The following GALNT10 variants were observed in gnomAD, a reference collection of about 807,000 sequenced individuals.
GALNT10 encodes the protein polypeptide N-acetylgalactosaminyltransferase 10.
GALNT10 carries 41 observed loss-of-function variants against 75.0 expected under a neutral mutation model. That is an observed-to-expected ratio of 0.55 (90% CI 0.43 to 0.71). The LOEUF (loss-of-function observed/expected upper bound fraction) is 0.71, where lower values mean the gene tolerates loss of function less well. GALNT10 is among the 30% of genes least tolerant of loss of function. GALNT10 has a pLI of 0.00. For synonymous variants in GALNT10, 302 were observed against 313.0 expected (o/e 0.96, Z 0.37); for missense variants, 727 against 818.5 (o/e 0.89, Z 1.36).
rs1314810267 is a variant in GALNT10 at position 154,344,316 on chromosome 5, A to G, written c.568+14578A>G. 7.4e-5 allele frequency among the ~76,000 whole-genome samples: 11 copies of G among 149,520 alleles called. No individual in the cohort carries two copies. The East Asian group carries it at 2.2e-3, about 30-fold the overall frequency. On this transcript the variant is annotated intron_variant, in intron 4 of 11. Coordinates refer to ENST00000297107, the MANE Select transcript of GALNT10 (RefSeq NM_198321.4). ...AGCCTCCACCTCCTGGGTTCAAGTG[A>G]TTCTCCTGCCTCAGCCTCCTGAGTA...
At chr5:154,378,585 G>A (rs993005294) in intron 5 of GALNT10, among the ~76,000 whole-genome samples, 13 of 152,276 alleles carry the variant, frequency 8.5e-5, no homozygotes, top group African/African-American at 2.6e-4. Context: ...ACTGAGTGCC[G>A]TGGCTCCATC....
At chr5:154,321,611 A>G (rs997253411) in intron 3 of GALNT10, among the ~76,000 whole-genome samples, 1 of 152,180 alleles carries the variant, frequency 6.6e-6, no homozygotes, top group Non-Finnish European at 1.5e-5. Flanking sequence ...GGTGTGAGCC[A>G]CTGCACCTGG....
intron 4 of GALNT10, among the ~76,000 whole-genome samples, chr5:154,345,007 A>T (rs1413071030): frequency 2.0e-5 from 3 of 152,192 alleles, no homozygotes; most frequent in Non-Finnish European, 4.4e-5. Flanking sequence ...CCCAGTGGGC[A>T]TGCTGCAGCA....
intron 1 of GALNT10, among the ~76,000 whole-genome samples, chr5:154,200,879 A>G (rs796840377): frequency 3.3e-5 from 5 of 152,200 alleles, no homozygotes; most frequent in South Asian, 2.1e-4. Context: ...GCCCATAGAT[A>G]GTTGGGTTTT....
intron 3 of GALNT10, among the ~76,000 whole-genome samples, chr5:154,318,368 A>G (rs1207199046): frequency 3.9e-5 from 6 of 152,170 alleles, no homozygotes; most frequent in Admixed American, 2.6e-4. Context: ...AGTTTCCTCA[A>G]TATTTGCTTT....
intron 4 of GALNT10, among the ~76,000 whole-genome samples, chr5:154,358,329 G>C (rs1755328730): frequency 1.2e-5 from 1 of 81,716 alleles, no homozygotes; most frequent in African/African-American, 4.1e-5. Context: ...CTGGCTTAGA[G>C]TAACAACAAC....
rs1431291961 is a variant in GALNT10, at chr5:154,329,814, C to G, written c.568+76C>G. Reference sequence around the variant, plus strand: ...TCACCAAAGGGATGGCAGGTTTTCCCTTCTTTAGCAGCATCAACATATAGG... The same window carrying G: ...TCACCAAAGGGATGGCAGGTTTTCCGTTCTTTAGCAGCATCAACATATAGG... On this transcript the variant is annotated intron_variant, in intron 4 of 11. Coordinates refer to ENST00000297107, the MANE Select transcript of GALNT10 (RefSeq NM_198321.4). 5.7e-6 allele frequency: 6 copies of G among 1,052,074 alleles called. No homozygotes were observed. In the African/African-American group the frequency reaches 9.4e-5, roughly 16 times the overall value. 65.2% of individuals were successfully genotyped at this position (1,052,074 alleles called of 1,614,324 possible).
intron 1 of GALNT10, among the ~76,000 whole-genome samples, chr5:154,277,687 A>G (rs1753972760): frequency 6.6e-6 from 1 of 152,248 alleles, no homozygotes. Flanking sequence ...AACCAGAGTT[A>G]TCAGAAGCCA....
intron 1 of GALNT10, among the ~76,000 whole-genome samples, chr5:154,276,274 T>C (rs1753949737): frequency 6.6e-6 from 1 of 152,162 alleles, no homozygotes. Context: ...AGTTCAGGAT[T>C]GAGGCCCCTG....
chr5:154,222,967 T>A (rs1031703425), intron 1 of GALNT10, among the ~76,000 whole-genome samples: 2 of 152,182 alleles, frequency 1.3e-5, no homozygotes, highest in African/African-American at 4.8e-5. Context: ...CAGGGATAAG[T>A]AAGACATTGA....
At chr5:154,207,407 A>G (rs1191623799) in intron 1 of GALNT10, among the ~76,000 whole-genome samples, 1 of 152,162 alleles carries the variant, frequency 6.6e-6, no homozygotes, top group African/African-American at 2.4e-5. Context: ...GTTTCACTCA[A>G]GGTCACACAG....
intron 1 of GALNT10, among the ~76,000 whole-genome samples, chr5:154,194,762 C>A (rs1410728052): frequency 6.6e-6 from 1 of 152,190 alleles, no homozygotes; most frequent in African/African-American, 2.4e-5. Flanking sequence ...GCTAATCAAC[C>A]TTTTCATTAC....
At chr5:154,396,634 G>A (rs1340470276) in intron 7 of GALNT10, among the ~76,000 whole-genome samples, 1 of 152,202 alleles carries the variant, frequency 6.6e-6, no homozygotes, top group Non-Finnish European at 1.5e-5. Flanking sequence ...TTCCTCATGT[G>A]TAAAGGGTGT....
At chr5:154,403,590 G>A (rs755137531) in intron 7 of GALNT10, among the ~76,000 whole-genome samples, 2 of 152,222 alleles carry the variant, frequency 1.3e-5, no homozygotes, top group South Asian at 2.1e-4. Flanking sequence ...CGGAACCTGT[G>A]TGCCACCTTG....
At chr5:154,214,425 G>A (rs955423054) in intron 1 of GALNT10, among the ~76,000 whole-genome samples, 3 of 151,918 alleles carry the variant, frequency 2.0e-5, no homozygotes, top group South Asian at 2.1e-4. Context: ...CAGAAGCAGC[G>A]AGCACTCATC....
intron 3 of GALNT10, among the ~76,000 whole-genome samples, chr5:154,308,923 A>G (rs577669800): frequency 1.3e-5 from 2 of 152,220 alleles, no homozygotes; most frequent in Non-Finnish European, 2.9e-5. Flanking sequence ...CAATGAGCAA[A>G]TAGTCAAAAT....
intron 3 of GALNT10, among the ~76,000 whole-genome samples, chr5:154,320,294 G>A (rs1282408573): frequency 6.6e-6 from 1 of 152,198 alleles, no homozygotes; most frequent in African/African-American, 2.4e-5. Flanking sequence ...AATTAAATTA[G>A]AAGTGAATTT....
At chr5:154,394,003 C>T (rs776108081) in intron 7 of GALNT10, among the ~76,000 whole-genome samples, 16 of 152,186 alleles carry the variant, frequency 1.1e-4, no homozygotes, top group Non-Finnish European at 2.1e-4. Flanking sequence ...GGCCTGAGGC[C>T]GCCAAGAGCA....
At chr5:154,192,072 T>A (rs1025709689) in intron 1 of GALNT10, among the ~76,000 whole-genome samples, 2 of 152,226 alleles carry the variant, frequency 1.3e-5, no homozygotes, top group African/African-American at 4.8e-5. Context: ...ATTTCTCTGG[T>A]CCCATGAGAA....
Sources: allele counts gnomAD v4.1 joint callset (sites outside exome capture counted in the v4.1 genomes callset), GRCh38; gene constraint gnomAD v4.1.1; transcripts MANE v1.5; gene names NCBI Gene and HGNC (gene_info 2026-07-23, HGNC 2026-07-21).